ATP2A2: variants seen among roughly 807,000 people sequenced by gnomAD.
The protein encoded by ATP2A2 is sarcoplasmic/endoplasmic reticulum calcium ATPase 2.
ATP2A2 carries 14 observed loss-of-function variants against 109.3 expected under a neutral mutation model. That is an observed-to-expected ratio of 0.13 (90% CI 0.08 to 0.20). The LOEUF is 0.20. Ranked by LOEUF, ATP2A2 falls within the 10% of genes least tolerant of loss-of-function variation. The probability of loss-of-function intolerance (pLI) is 1.00; values close to 1 mark genes in which losing one functional copy is unlikely to be tolerated. For missense variants in ATP2A2, 657 were observed against 1,321.6 expected (o/e 0.50, Z 7.80); for synonymous variants, 506 against 490.9 (o/e 1.03, Z -0.41).
rs1879262378 is a variant in ATP2A2, at chr12:110,340,665, C to T, written c.1768C>T (p.Leu590=). The T allele has an allele frequency of 6.2e-7, 1 of 1,614,050 alleles. No individual in the cohort carries two copies. Among genetic ancestry groups the T allele is most frequent in the Non-Finnish European group, 8.5e-7 (1 of 1,180,044 alleles). The stretch of plus-strand genomic sequence containing the variant: ...AGTGATGCTCTTATTTTAGACCAAT[C>T]TGACCTTCGTTGGCTGCGTGGGCAT... ...SANFIKYETN[L]TFVGCVGMLD... The change falls in exon 14 of 20, where the codon CTG becomes TTG. Residue 590 remains leucine (L), a synonymous_variant. Coordinates refer to ENST00000539276, the MANE Select transcript of ATP2A2 (RefSeq NM_170665.4). This position sits in a 1 kb window ranked among gnomAD's most constrained non-coding sequence, Gnocchi z 6.0.
In ATP2A2 at chr12:110,342,819, G is replaced by A. The variant is rs1479557753; in HGVS notation, c.2318+371G>A. Among the ~76,000 whole-genome samples, 1 of 152,002 alleles carries A rather than the reference G, an allele frequency of 6.6e-6. No homozygotes were observed. Among genetic ancestry groups the A allele is most frequent in the Non-Finnish European group, 1.5e-5 (1 of 68,008 alleles). On this transcript the variant is annotated intron_variant, in intron 15 of 19. Transcript: ENST00000539276. This position sits in a 1 kb window ranked among gnomAD's most constrained non-coding sequence, Gnocchi z 4.6. ...TCGCCCAGGCTTCGGGCAGTGGCAC[G>A]ATCTCAGCTCACTGTCCCCTCCACC...
chr12:110,286,259 A>G (rs1266148782), intron 3 of ATP2A2, among the ~76,000 whole-genome samples: 1 of 152,104 alleles, frequency 6.6e-6, no homozygotes, highest in African/African-American at 2.4e-5. Flanking sequence ...AACTTGGGTG[A>G]GTTTGTTTCA....
intron 5 of ATP2A2, among the ~76,000 whole-genome samples, chr12:110,315,182 A>G (rs1009142061): frequency 2.6e-5 from 4 of 152,116 alleles, no homozygotes; most frequent in East Asian, 3.9e-4. Flanking sequence ...TGTTAACTGT[A>G]TATATATCTG....
intron 5 of ATP2A2, among the ~76,000 whole-genome samples, chr12:110,314,196 C>T (rs763059321): frequency 3.3e-4 from 50 of 151,978 alleles, no homozygotes; most frequent in Admixed American, 1.6e-3. Flanking sequence ...GGCATGGTAG[C>T]GCTTGCCTGT....
In ATP2A2 at chr12:110,339,149, G is replaced by A. The variant is rs916536860; in HGVS notation, c.1420-132G>A. 4.6e-5 allele frequency: 59 copies of A among 1,281,422 alleles called. No individual in the cohort carries two copies. The highest frequency in any genetic ancestry group is 4.1e-5 in the Non-Finnish European group (37 of 900,550). 79.4% of individuals were successfully genotyped at this position (1,281,422 alleles called of 1,614,324 possible). A position where few individuals can be genotyped will look rare whatever the true frequency, so the allele number is the denominator to read the frequency against. On this transcript the variant is annotated intron_variant, in intron 11 of 19. Coordinates refer to ENST00000539276, the MANE Select transcript of ATP2A2 (RefSeq NM_170665.4). This position sits in a 1 kb window ranked among gnomAD's most constrained non-coding sequence, Gnocchi z 4.4. ...CAAAATAGGGGACAAGTTTCATGAG[G>A]GCAAAAACCTGTCTGTTTTGTTTAT... is the stretch of plus-strand genomic sequence containing the variant.
intron 5 of ATP2A2, among the ~76,000 whole-genome samples, chr12:110,306,026 A>ATATT (rs1376860302): frequency 1.1e-4 from 17 of 151,794 alleles, no homozygotes; most frequent in South Asian, 2.1e-4. Context: ...CCTATTGGTG[A>ATATT]TATTTATTTA....
rs1191326004 is a variant in ATP2A2 at position 110,346,733 on chromosome 12, TAC to T, written c.*265_*266del. 1 of 1,334,166 alleles carries T rather than the reference TAC, an allele frequency of 7.5e-7. No homozygotes were observed. Among genetic ancestry groups the T allele is most frequent in the Non-Finnish European group, 9.6e-7 (1 of 1,039,092 alleles). The allele number at this position is 1,334,166 out of a possible 1,614,324, so 82.6% of individuals were successfully genotyped here. ...ATTTTTTTGTAGATGAAAAAGCATG[TAC>T]AGTGTTCTGTTTAATACTCATCCTT... On this transcript the variant is annotated 3_prime_UTR_variant, in exon 20 of 20. Transcript: ENST00000539276.
intron 5 of ATP2A2, among the ~76,000 whole-genome samples, chr12:110,307,222 CT>C (rs113642254): frequency 7.9e-6 from 1 of 126,704 alleles, no homozygotes; most frequent in Non-Finnish European, 1.6e-5. Flanking sequence ...GCCCCACCAC[CT>C]TTTTTTTTTT....
chr12:110,316,336 T>C (rs1876665354), intron 5 of ATP2A2, among the ~76,000 whole-genome samples: 1 of 152,226 alleles, frequency 6.6e-6, no homozygotes, highest in African/African-American at 2.4e-5. Context: ...TTCCTAAATT[T>C]CTAGACTTTT....
chr12:110,309,323 A>G (rs1365302617), intron 5 of ATP2A2, among the ~76,000 whole-genome samples: 1 of 151,362 alleles, frequency 6.6e-6, no homozygotes, highest in African/African-American at 2.4e-5. Flanking sequence ...ACACCCGGCT[A>G]ATTTTTGTAT....
In ATP2A2 at chr12:110,347,919, G is replaced by C; in HGVS notation, c.*1449G>C. 1 of 989,054 alleles carries C rather than the reference G, an allele frequency of 1.0e-6. No individual in the cohort carries two copies. The highest frequency in any genetic ancestry group is 1.2e-6 in the Non-Finnish European group (1 of 832,262). The allele number at this position is 989,054 out of a possible 1,614,324, so 61.3% of individuals were successfully genotyped here. A position where few individuals can be genotyped will look rare whatever the true frequency, so the allele number is the denominator to read the frequency against. On this transcript the variant is annotated 3_prime_UTR_variant, in exon 20 of 20. Transcript: ENST00000539276. ...ATGCTGCTGTGCTCCCTGATGCCCTGTGAGCACCGGGGTTGCCTGTGGCGC... is the reference window on the plus strand; with the variant it reads ...ATGCTGCTGTGCTCCCTGATGCCCTCTGAGCACCGGGGTTGCCTGTGGCGC...
At chr12:110,291,727 C>G (rs1011074509) in intron 3 of ATP2A2, among the ~76,000 whole-genome samples, 5 of 149,596 alleles carry the variant, frequency 3.3e-5, no homozygotes, top group African/African-American at 1.2e-4. Flanking sequence ...CTCACTGCAA[C>G]CTTTGCCTCC....
chr12:110,347,638 C>T lies in ATP2A2; in HGVS notation c.*1168C>T. The T allele has an allele frequency of 8.4e-7, 1 of 1,185,114 alleles. No individual in the cohort carries two copies. The highest frequency in any genetic ancestry group is 1.6e-5 in the South Asian group (1 of 62,554). The allele number at this position is 1,185,114 out of a possible 1,614,324, so 73.4% of individuals were successfully genotyped here. ...GACCAAATGAACATATTGTATAGAACTATTTTTATTTGAATGTGGCACTAA... is the reference window on the plus strand; with the variant it reads ...GACCAAATGAACATATTGTATAGAATTATTTTTATTTGAATGTGGCACTAA... On this transcript the variant is annotated 3_prime_UTR_variant, in exon 20 of 20. Transcript: ENST00000539276.
chr12:110,287,764 A>G lies in ATP2A2; in HGVS notation c.220-4256A>G, dbSNP rs148548810. On this transcript the variant is annotated intron_variant, in intron 3 of 19. Transcript: ENST00000539276. The stretch of plus-strand genomic sequence containing the variant: ...CGAGTAGCTGGGATTACAGGCATGC[A>G]CCACCACGCCCGGGTAATTTTTTGT... Among the ~76,000 whole-genome samples the G allele has an allele frequency of 9.6e-3, 1,456 of 151,618 alleles. 2 individuals carry two copies. The highest frequency in any genetic ancestry group is 0.011 in the African/African-American group (469 of 41,322).
In ATP2A2 at chr12:110,344,959, C is replaced by T; in HGVS notation, c.2595C>T (p.Ser865=). ...FIAADGGPRV[S]FYQLSHFLQC... is the part of the protein sequence containing the mutation. ...CTGCTGACGGTGGTCCAAGAGTGTCCTTCTACCAGCTGGTACTCAGTCACC... is the reference window on the plus strand; with the variant it reads ...CTGCTGACGGTGGTCCAAGAGTGTCTTTCTACCAGCTGGTACTCAGTCACC... The change falls in exon 17 of 20, where the codon TCC becomes TCT. Residue 865 remains serine (S), a synonymous_variant. Coordinates refer to ENST00000539276, the MANE Select transcript of ATP2A2 (RefSeq NM_170665.4). 1 of 1,614,034 alleles carries T rather than the reference C, an allele frequency of 6.2e-7. No individual in the cohort carries two copies. Among genetic ancestry groups the T allele is most frequent in the Non-Finnish European group, 8.5e-7 (1 of 1,179,994 alleles).
Position 110,281,265 on chromosome 12 carries a change from G to A in ATP2A2, c.-525G>A, listed in dbSNP as rs1872045568. 2 of 151,464 alleles carry A rather than the reference G, an allele frequency of 1.3e-5. No homozygotes were observed. The highest frequency in any genetic ancestry group is 2.9e-5 in the Non-Finnish European group (2 of 67,830). 9.4% of individuals were successfully genotyped at this position (151,464 alleles called of 1,614,324 possible). A position where few individuals can be genotyped will look rare whatever the true frequency, so the allele number is the denominator to read the frequency against. On this transcript the variant is annotated 5_prime_UTR_variant, in exon 1 of 20. Coordinates refer to ENST00000539276, the MANE Select transcript of ATP2A2 (RefSeq NM_170665.4). Reference sequence around the variant, plus strand: ...AAATGCTATTAGAGCAGCCGCCGCGGAGCCGTCCCCGACGCCACCTCCTTT... The same window carrying A: ...AAATGCTATTAGAGCAGCCGCCGCGAAGCCGTCCCCGACGCCACCTCCTTT...
chr12:110,295,788 C>A (rs1873904621), intron 4 of ATP2A2, among the ~76,000 whole-genome samples: 1 of 152,122 alleles, frequency 6.6e-6, no homozygotes, highest in African/African-American at 2.4e-5. Context: ...TATATGATGT[C>A]ATGAGAAATA....
intron 5 of ATP2A2, 133 bp downstream of exon 5, chr12:110,296,870 A>G: frequency 9.6e-7 from 1 of 1,046,842 alleles, no homozygotes; most frequent in African/African-American, 1.6e-5. Flanking sequence ...CCATTCATAC[A>G]AATCCTACAT....
chr12:110,332,733 TA>T, intron 9 of ATP2A2, 48 bp downstream of exon 9: 1 of 1,470,802 alleles, frequency 6.8e-7, no homozygotes, highest in South Asian at 1.1e-5. Context: ...GGCAGTTTAG[TA>T]TTTGTATTGA....
Sources: gnomAD v4.1 joint callset for allele counts (sites outside exome capture counted in the v4.1 genomes callset) on GRCh38, gnomAD v4.1.1 for gene constraint, Gnocchi (gnomAD v3.1) non-coding constraint, MANE v1.5 for transcripts, NCBI Gene and HGNC (gene_info 2026-07-23, HGNC 2026-07-21) for gene names.